LRP1B: variants seen among roughly 807,000 people sequenced by gnomAD.
LRP1B encodes low-density lipoprotein receptor-related protein 1B.
A neutral mutation model predicts 556.6 loss-of-function variants in LRP1B; 217 were observed. The ratio of observed to expected loss-of-function variants is 0.39; its 90% CI spans 0.35 to 0.44. The LOEUF (loss-of-function observed/expected upper bound fraction) is 0.44, where lower values mean the gene tolerates loss of function less well. Ranked by LOEUF, LRP1B falls within the 20% of genes least tolerant of loss-of-function variation. The pLI is 1.00. For synonymous variants in LRP1B, 2,047 were observed against 1,865.8 expected (o/e 1.10, Z -2.50); for missense variants, 5,053 against 5,620.8 (o/e 0.90, Z 3.23).
chr2:141,668,959 A>G (rs1457284376), intron 2 of LRP1B, among the ~76,000 whole-genome samples: 1 of 151,884 alleles, frequency 6.6e-6, no homozygotes, highest in Non-Finnish European at 1.5e-5. Context: ...GATGAGCAAT[A>G]CCCCTGTGGC....
chr2:140,605,288 G>A (rs1429768232), intron 41 of LRP1B, among the ~76,000 whole-genome samples: 2 of 151,966 alleles, frequency 1.3e-5, no homozygotes, highest in Admixed American at 1.3e-4. Flanking sequence ...TTGCAGCCCA[G>A]GCAAAGAGCC....
intron 1 of LRP1B, among the ~76,000 whole-genome samples, chr2:142,122,611 T>C (rs1268493305): frequency 6.6e-6 from 1 of 152,054 alleles, no homozygotes. Flanking sequence ...AATTCTGAGT[T>C]AGTAATTCCA....
At chr2:140,345,384 A>G (rs1681598328) in intron 77 of LRP1B, among the ~76,000 whole-genome samples, 1 of 151,604 alleles carries the variant, frequency 6.6e-6, no homozygotes, top group Admixed American at 6.6e-5. Context: ...TCTCTTCCTC[A>G]AAATACTCTC....
chr2:141,670,312 A>C (rs1574221514), intron 2 of LRP1B, among the ~76,000 whole-genome samples: 1 of 152,322 alleles, frequency 6.6e-6, no homozygotes, highest in East Asian at 1.9e-4. Context: ...TTGTTATCGA[A>C]TCTATCAATA....
intron 56 of LRP1B, among the ~76,000 whole-genome samples, 157 bp downstream of exon 56, chr2:140,495,408 A>G (rs1447638581): frequency 2.0e-5 from 3 of 152,080 alleles, no homozygotes; most frequent in Non-Finnish European, 4.4e-5. Context: ...CAGAGCATAC[A>G]AAATCAGAGT....
intron 20 of LRP1B, among the ~76,000 whole-genome samples, chr2:140,934,256 G>T (rs1695138400): frequency 1.3e-5 from 2 of 152,006 alleles, no homozygotes; most frequent in African/African-American, 4.8e-5. Context: ...CATAATTTGG[G>T]AATTCCCCTA....
intron 2 of LRP1B, among the ~76,000 whole-genome samples, chr2:141,803,697 T>C (rs1379320173): frequency 1.3e-5 from 2 of 152,102 alleles, no homozygotes; most frequent in African/African-American, 4.8e-5. Flanking sequence ...ATAGTTTCTA[T>C]AGTCTACTTT....
intron 1 of LRP1B, among the ~76,000 whole-genome samples, chr2:141,912,104 A>T (rs1281717755): frequency 1.3e-5 from 2 of 152,234 alleles, no homozygotes; most frequent in African/African-American, 4.8e-5. Flanking sequence ...AACAAGTAAG[A>T]TAATGACTTC....
At chr2:141,594,107 T>C (rs913686328) in intron 2 of LRP1B, among the ~76,000 whole-genome samples, 3 of 152,156 alleles carry the variant, frequency 2.0e-5, no homozygotes, top group Non-Finnish European at 4.4e-5. Flanking sequence ...CCAATCAGCA[T>C]GCACTCTGAG....
intron 66 of LRP1B, among the ~76,000 whole-genome samples, chr2:140,421,393 G>A (rs1685436139): frequency 6.6e-6 from 1 of 152,036 alleles, no homozygotes; most frequent in African/African-American, 2.4e-5. Context: ...ATATAATATT[G>A]GCCGGAAGAT....
rs201239449 is a variant in LRP1B at position 141,226,123 on chromosome 2, C to A, written c.850+3060G>T. 8.3e-5 allele frequency among the ~76,000 whole-genome samples: 12 copies of A among 144,584 alleles called. No homozygotes were observed. In the South Asian group the frequency reaches 1.2e-3, roughly 14 times the overall value. The allele number at this position is 144,584 out of a possible 152,430, so 94.9% of individuals were successfully genotyped here. The stretch of plus-strand genomic sequence containing the variant: ...CTGCTCAGAGTCTCAATTTTCCCCC[C>A]CAAAAAAAACCAAAAGAATAATATC... On this transcript the variant is annotated intron_variant, in intron 6 of 90. Transcript: ENST00000389484.
intron 29 of LRP1B, among the ~76,000 whole-genome samples, chr2:140,841,978 G>A (rs1483651799): frequency 6.6e-6 from 1 of 152,080 alleles, no homozygotes; most frequent in African/African-American, 2.4e-5. Context: ...CTAGCATTCT[G>A]TACTTATAGA....
At chr2:141,734,791 C>T (rs1056228920) in intron 2 of LRP1B, among the ~76,000 whole-genome samples, 1 of 152,104 alleles carries the variant, frequency 6.6e-6, no homozygotes, top group Non-Finnish European at 1.5e-5. Flanking sequence ...CAAATGAAAG[C>T]ATTTTATAAT....
In LRP1B at chr2:141,295,917, T is replaced by G. The variant is rs186679363; in HGVS notation, c.344-41276A>C. ...ATGAATTGTGTTACTCCACAAAAACTTATCACCTGAGTCTGTAGTCTCGGT... is the reference window on the plus strand; with the variant it reads ...ATGAATTGTGTTACTCCACAAAAACGTATCACCTGAGTCTGTAGTCTCGGT... On this transcript the variant is annotated intron_variant, in intron 3 of 90. Transcript: ENST00000389484. Among the ~76,000 whole-genome samples the G allele has an allele frequency of 2.2e-3, 329 of 152,310 alleles. 1 individual carries two copies. The highest frequency in any genetic ancestry group is 7.3e-3 in the African/African-American group (304 of 41,570).
At position 141,055,120 on chromosome 2, in the gene LRP1B, G is replaced by A. The variant is rs199843980; in HGVS notation, c.1548C>T (p.Cys516=). ...GFNLGSDGRS[C]KRPKNELFLF... ...TGTTTTATTTTAACAACATACTTTT[G>A]CATGACCTGCCATCACTTCCCAAGT... Residue 516 remains cysteine, a synonymous_variant, in exon 10 of 91, where the codon TGC becomes TGT. Transcript: ENST00000389484. 3.1e-6 allele frequency: 5 copies of A among 1,611,730 alleles called. No individual in the cohort carries two copies. Among genetic ancestry groups the A allele is most frequent in the Non-Finnish European group, 4.2e-6 (5 of 1,178,792 alleles).
At chr2:140,460,871 T>A (rs968670618) in intron 60 of LRP1B, among the ~76,000 whole-genome samples, 1 of 151,884 alleles carries the variant, frequency 6.6e-6, no homozygotes, top group Admixed American at 6.6e-5. Flanking sequence ...ATGGCAAAAA[T>A]AAATAAATCA....
intron 2 of LRP1B, among the ~76,000 whole-genome samples, chr2:141,719,254 C>A (rs1270169145): frequency 6.6e-6 from 1 of 152,088 alleles, no homozygotes; most frequent in Non-Finnish European, 1.5e-5. Context: ...TCAATGCAAT[C>A]CCATCTATTT....
At chr2:141,770,735 G>T (rs1448659974) in intron 2 of LRP1B, among the ~76,000 whole-genome samples, 1 of 152,194 alleles carries the variant, frequency 6.6e-6, no homozygotes, top group East Asian at 1.9e-4. Context: ...CTCCCTACAG[G>T]CGCTGTCTTT....
At chr2:142,072,012 T>A (rs966753820) in intron 1 of LRP1B, among the ~76,000 whole-genome samples, 1 of 151,958 alleles carries the variant, frequency 6.6e-6, no homozygotes, top group Non-Finnish European at 1.5e-5. Context: ...CATCTTTGAT[T>A]CTTTCCTCTC....
Sources: gnomAD v4.1 joint callset for allele counts (sites outside exome capture counted in the v4.1 genomes callset) on GRCh38, gnomAD v4.1.1 for gene constraint, MANE v1.5 for transcripts, NCBI Gene and HGNC (gene_info 2026-07-23, HGNC 2026-07-21) for gene names.